The following ADAMTS20 variants were observed in gnomAD, a reference collection of about 807,000 sequenced individuals.
ADAMTS20 encodes the protein A disintegrin and metalloproteinase with thrombospondin motifs 20.
ADAMTS20 carries 225 observed loss-of-function variants against 260.1 expected under a neutral mutation model. The ratio of observed to expected loss-of-function variants is 0.87; its 90% CI spans 0.78 to 0.97. The LOEUF (loss-of-function observed/expected upper bound fraction) is 0.97, where lower values mean the gene tolerates loss of function less well. Ranked by LOEUF, ADAMTS20 falls within the 50% of genes least tolerant of loss-of-function variation. The pLI, the probability that ADAMTS20 is intolerant of heterozygous loss-of-function variation, is 0.00. For missense variants in ADAMTS20, 2,400 were observed against 2,337.7 expected (o/e 1.03, Z -0.55); for synonymous variants, 802 against 769.5 (o/e 1.04, Z -0.70).
intron 14 of ADAMTS20, among the ~76,000 whole-genome samples, chr12:43,451,765 T>C (rs1338950697): frequency 6.6e-6 from 1 of 152,056 alleles, no homozygotes; most frequent in Non-Finnish European, 1.5e-5. Context: ...GGAAGTGGGG[T>C]TCTCTGCTCC....
At chr12:43,486,799 T>C (rs1942528985) in intron 7 of ADAMTS20, among the ~76,000 whole-genome samples, 1 of 152,048 alleles carries the variant, frequency 6.6e-6, no homozygotes. Context: ...AGATGTACAA[T>C]TGGCCAACAA....
Position 43,551,415 on chromosome 12 carries a change from G to A in ADAMTS20, c.92-145C>T, listed in dbSNP as rs1565591414. On this transcript the variant is annotated intron_variant, in intron 1 of 38. Transcript: ENST00000389420. The surrounding 1 kb of genome is among the most constrained non-coding windows in gnomAD (Gnocchi z 4.6). ...CAAATGCACACATGCTGATGCGCAC[G>A]CACACACACACACGTGCACTGGGAC... The A allele has an allele frequency of 7.6e-5, 85 of 1,113,850 alleles. No homozygotes were observed. Among genetic ancestry groups the A allele is most frequent in the Non-Finnish European group, 7.8e-5 (63 of 808,612 alleles). The allele number at this position is 1,113,850 out of a possible 1,614,324, so 69.0% of individuals were successfully genotyped here.
Position 43,453,969 on chromosome 12 carries a change from A to T in ADAMTS20, c.1698T>A (p.Ser566Arg). Reference protein sequence around the residue: ...NGEWGPWEPYSSCSRTCGGGI... With the variant: ...NGEWGPWEPYRSCSRTCGGGI... ...CGCCTCCACATGTTCTTGAACAAGA[A>T]CTGTAAGGTTCCCATGGTCCCCATT... Residue 566 changes from serine (S) to arginine (R), a missense_variant, in exon 12 of 39, where the codon AGT (serine) becomes AGA (arginine). By Grantham distance (110) the Ser-to-Arg change is moderately radical. Coordinates refer to ENST00000389420, the MANE Select transcript of ADAMTS20 (RefSeq NM_025003.5). The T allele has an allele frequency of 6.2e-7, 1 of 1,613,362 alleles. No homozygotes were observed. Among genetic ancestry groups the T allele is most frequent in the Admixed American group, 1.7e-5 (1 of 59,904 alleles).
intron 28 of ADAMTS20, among the ~76,000 whole-genome samples, chr12:43,424,308 T>C (rs1222411206): frequency 6.6e-6 from 1 of 152,062 alleles, no homozygotes; most frequent in African/African-American, 2.4e-5. Context: ...AAAAAGATAT[T>C]TGAAGGCTAC....
chr12:43,514,350 G>GTCAGAAGA (rs1205784858), intron 3 of ADAMTS20, among the ~76,000 whole-genome samples: 1 of 151,602 alleles, frequency 6.6e-6, no homozygotes, highest in Non-Finnish European at 1.5e-5. Context: ...AGATCATGAG[G>GTCAGAAGA]TCAGAAGATC....
chr12:43,399,339 T>C, intron 28 of ADAMTS20, 106 bp from the exon 29 acceptor site: 1 of 1,025,720 alleles, frequency 9.7e-7, no homozygotes, highest in Non-Finnish European at 1.3e-6. Context: ...TCCTTTGATA[T>C]TTTTATGAAG....
chr12:43,397,945 T>C (rs1940737380), intron 29 of ADAMTS20, among the ~76,000 whole-genome samples: 1 of 152,172 alleles, frequency 6.6e-6, no homozygotes, highest in Admixed American at 6.5e-5. Context: ...CAAAGCTGTG[T>C]GCCCTGCATT....
At chr12:43,376,495 G>C in intron 33 of ADAMTS20, 29 bp downstream of exon 33, 1 of 1,593,432 alleles carries the variant, frequency 6.3e-7, no homozygotes, top group Non-Finnish European at 8.5e-7. Context: ...AAACCCTTAG[G>C]TATTAGATTT....
intron 4 of ADAMTS20, 76 bp from the exon 5 acceptor site, chr12:43,493,329 G>T: frequency 9.4e-7 from 1 of 1,058,672 alleles, no homozygotes; most frequent in Non-Finnish European, 1.4e-6. Context: ...AATAGTCACA[G>T]AGTATCAATT....
intron 37 of ADAMTS20, among the ~76,000 whole-genome samples, chr12:43,367,984 C>T (rs1228363684): frequency 6.6e-6 from 1 of 152,042 alleles, no homozygotes; most frequent in East Asian, 1.9e-4. Context: ...TCTGGAGGAA[C>T]ACAAGCAACC....
intron 28 of ADAMTS20, among the ~76,000 whole-genome samples, chr12:43,417,466 C>A (rs1941153037): frequency 6.6e-6 from 1 of 152,140 alleles, no homozygotes; most frequent in African/African-American, 2.4e-5. Flanking sequence ...TATGTCCTAC[C>A]ACTGGTTAGG....
chr12:43,413,767 T>C (rs555181283), intron 28 of ADAMTS20, among the ~76,000 whole-genome samples: 100 of 152,170 alleles, frequency 6.6e-4, no homozygotes, highest in Non-Finnish European at 1.2e-3. Flanking sequence ...CAAACTGATA[T>C]TTAAAACACC....
At chr12:43,533,338 A>G (rs949783543) in intron 2 of ADAMTS20, among the ~76,000 whole-genome samples, 1 of 151,710 alleles carries the variant, frequency 6.6e-6, no homozygotes, top group Non-Finnish European at 1.5e-5. Flanking sequence ...TGTTTTTTAC[A>G]AACAGAGAGC....
chr12:43,414,023 A>T (rs1941082042), intron 28 of ADAMTS20, among the ~76,000 whole-genome samples: 1 of 152,172 alleles, frequency 6.6e-6, no homozygotes, highest in African/African-American at 2.4e-5. Context: ...CTCCATATCT[A>T]TTGGTGTCTA....
chr12:43,478,034 A>T (rs188824785), intron 7 of ADAMTS20, among the ~76,000 whole-genome samples: 1 of 152,308 alleles, frequency 6.6e-6, no homozygotes, highest in East Asian at 1.9e-4. Context: ...AAATAAGAGA[A>T]CATACGTAAA....
At position 43,510,569 on chromosome 12, in the gene ADAMTS20, T is replaced by C. The variant is rs576831063; in HGVS notation, c.614-8164A>G. The stretch of plus-strand genomic sequence containing the variant: ...CACATTGGCCAGTTCAATTACATCA[T>C]TTCTATGTAATACATCCCTTTCTAT... On this transcript the variant is annotated intron_variant, in intron 3 of 38. Transcript: ENST00000389420. 2.6e-4 allele frequency among the ~76,000 whole-genome samples: 40 copies of C among 152,200 alleles called. No homozygotes were observed. The South Asian group carries it at 8.3e-3, about 32-fold the overall frequency.
chr12:43,384,015 T>G (rs967009168), intron 29 of ADAMTS20, 38 bp from the exon 30 acceptor site: 5 of 1,548,100 alleles, frequency 3.2e-6, no homozygotes, highest in East Asian at 4.6e-5. Context: ...AATTAGCTAA[T>G]AAATACCAAA....
chr12:43,488,147 G>C (rs925997244), intron 7 of ADAMTS20, among the ~76,000 whole-genome samples: 2 of 152,042 alleles, frequency 1.3e-5, no homozygotes, highest in Non-Finnish European at 2.9e-5. Flanking sequence ...TCAATTTGGG[G>C]AGTTGAGCGA....
chr12:43,513,253 C>T (rs774922627), intron 3 of ADAMTS20, among the ~76,000 whole-genome samples: 3 of 152,112 alleles, frequency 2.0e-5, no homozygotes, highest in Admixed American at 1.3e-4. Flanking sequence ...ACTGGTCAAG[C>T]GTCACAGAGT....
Sources: gnomAD v4.1 joint callset for allele counts (sites outside exome capture counted in the v4.1 genomes callset) on GRCh38, gnomAD v4.1.1 for gene constraint, Gnocchi (gnomAD v3.1) non-coding constraint, MANE v1.5 for transcripts, NCBI Gene and HGNC (gene_info 2026-07-23, HGNC 2026-07-21) for gene names.